Variants in NEMP2 observed in about 807,000 individuals in gnomAD.
NEMP2 encodes nuclear envelope integral membrane protein 2, also known as UPF0571 transmembrane protein.
In NEMP2, 53 loss-of-function variants were observed where a neutral mutation model predicts 54.2. That is an observed-to-expected ratio of 0.98 (90% CI 0.78 to 1.23). The LOEUF is 1.23. Ranked by LOEUF, NEMP2 falls within the 50% of genes most tolerant of loss-of-function variation. The pLI is 0.00. For missense variants in NEMP2, 455 were observed against 511.3 expected (o/e 0.89, Z 1.06); for synonymous variants, 197 against 190.3 (o/e 1.04, Z -0.29).
chr2:190,552,303 A>G, the NEMP2 span, among the ~76,000 whole-genome samples: 1 of 152,196 alleles, frequency 6.6e-6, no homozygotes, highest in African/African-American at 2.4e-5. Flanking sequence ...GATGCCTGGT[A>G]ACTAGTCATT....
chr2:190,618,207 C>T, the NEMP2 span, among the ~76,000 whole-genome samples: 6 of 152,164 alleles, frequency 3.9e-5, no homozygotes, highest in Non-Finnish European at 8.8e-5. Context: ...GGCTGTTTGC[C>T]TCATTGTTTG....
In NEMP2 at chr2:190,514,541, C is replaced by G; in HGVS notation, c.865G>C (p.Val289Leu). The G allele has an allele frequency of 6.4e-7, 1 of 1,551,692 alleles. No individual in the cohort carries two copies. The highest frequency in any genetic ancestry group is 1.4e-5 in the African/African-American group (1 of 73,164). Residue 289 changes from valine (V) to leucine (L), a missense_variant, in exon 7 of 9, where the codon GTG becomes CTG. By Grantham distance (32) the Val-to-Leu change is conservative. Transcript: ENST00000409150. This position sits in a 1 kb window ranked among gnomAD's most constrained non-coding sequence, Gnocchi z 5.7. The stretch of plus-strand genomic sequence containing the variant: ...ATGGCTGCATAGGCAAACTGAGGCA[C>G]GGCCACACCAGCATAGACCAGAACC... ...SLVLVYAGVA[V>L]PQFAYAAIIL... is the part of the protein sequence containing the mutation.
the NEMP2 span, chr2:190,469,952 G>A: frequency 1.2e-6 from 1 of 802,708 alleles, no homozygotes; most frequent in Non-Finnish European, 2.0e-6. The surrounding 1 kb of genome is among the most constrained non-coding windows in gnomAD (Gnocchi z 5.3). Flanking sequence ...TAAAGGAAGG[G>A]CAGGCCTACT....
chr2:190,457,453 A>C, the NEMP2 span, among the ~76,000 whole-genome samples: 10 of 152,310 alleles, frequency 6.6e-5, no homozygotes, highest in Non-Finnish European at 1.2e-4. The surrounding 1 kb of genome is among the most constrained non-coding windows in gnomAD (Gnocchi z 5.1). Context: ...TTTTGCTGAC[A>C]AGTCAAAAAT....
Position 190,529,198 on chromosome 2 carries a change from A to C in NEMP2, c.98-3820T>G, listed in dbSNP as rs1691053585. On this transcript the variant is annotated intron_variant, in intron 1 of 8. Coordinates refer to ENST00000409150, the MANE Select transcript of NEMP2 (RefSeq NM_001142645.2). This position sits in a 1 kb window ranked among gnomAD's most constrained non-coding sequence, Gnocchi z 4.7. The stretch of plus-strand genomic sequence containing the variant: ...TCTCAAAACAAAAACAAACACAAAC[A>C]AACAAAAACATGAATGGGAACCCAT... 6.6e-6 allele frequency among the ~76,000 whole-genome samples: 1 copy of C among 152,080 alleles called. No homozygotes were observed. The highest frequency in any genetic ancestry group is 1.5e-5 in the Non-Finnish European group (1 of 67,984).
chr2:190,615,649 G>A, the NEMP2 span, among the ~76,000 whole-genome samples: 3 of 152,210 alleles, frequency 2.0e-5, no homozygotes, highest in Non-Finnish European at 4.4e-5. This position sits in a 1 kb window ranked among gnomAD's most constrained non-coding sequence, Gnocchi z 4.7. Context: ...CCCGAGAGAT[G>A]AGGGGATGAG....
chr2:190,534,249 C>T (rs1691273127), intron 1 of NEMP2: 2 of 1,116,254 alleles, frequency 1.8e-6, no homozygotes, highest in African/African-American at 3.3e-5. Flanking sequence ...CTGTGTGACC[C>T]TGGGCAAATC....
At chr2:190,449,120 A>G in the NEMP2 span, among the ~76,000 whole-genome samples, 3 of 152,218 alleles carry the variant, frequency 2.0e-5, no homozygotes, top group Admixed American at 6.5e-5. Context: ...TATAACAACC[A>G]TGGCTTCAGG....
chr2:190,578,049 T>C, the NEMP2 span, among the ~76,000 whole-genome samples: 1 of 152,206 alleles, frequency 6.6e-6, no homozygotes, highest in Non-Finnish European at 1.5e-5. The surrounding 1 kb of genome is among the most constrained non-coding windows in gnomAD (Gnocchi z 4.4). Context: ...AACTTTCCAG[T>C]TGGACATAAA....
the NEMP2 span, among the ~76,000 whole-genome samples, chr2:190,559,019 A>C: frequency 6.6e-6 from 1 of 152,230 alleles, no homozygotes; most frequent in East Asian, 1.9e-4. The surrounding 1 kb of genome is among the most constrained non-coding windows in gnomAD (Gnocchi z 4.0). Context: ...GTTGCACTTC[A>C]CAATGTTTTC....
chr2:190,476,861 G>A, the NEMP2 span, among the ~76,000 whole-genome samples: 22 of 152,028 alleles, frequency 1.4e-4, no homozygotes, highest in Non-Finnish European at 2.4e-4. Context: ...ACACCATGGA[G>A]TACTATGCAG....
chr2:190,440,838 A>T, the NEMP2 span, among the ~76,000 whole-genome samples: 2 of 152,224 alleles, frequency 1.3e-5, no homozygotes, highest in African/African-American at 4.8e-5. Context: ...CTAGCCAGTC[A>T]GTTTGGGAAA....
the NEMP2 span, among the ~76,000 whole-genome samples, chr2:190,615,737 C>T: frequency 6.6e-6 from 1 of 152,178 alleles, no homozygotes; most frequent in Non-Finnish European, 1.5e-5. This position sits in a 1 kb window ranked among gnomAD's most constrained non-coding sequence, Gnocchi z 4.7. Context: ...TCCAGGACCC[C>T]CTAGTGATCT....
chr2:190,462,955 C>A, the NEMP2 span, among the ~76,000 whole-genome samples: 1 of 152,154 alleles, frequency 6.6e-6, no homozygotes, highest in African/African-American at 2.4e-5. This position sits in a 1 kb window ranked among gnomAD's most constrained non-coding sequence, Gnocchi z 5.7. Flanking sequence ...CTCAGGCCAC[C>A]TTCTTGGGAT....
rs1425887188 is a variant in NEMP2, at chr2:190,528,735, T to G, written c.98-3357A>C. ...TTAATGGTCTGAGGAAATAACCTTT[T>G]GGTGGGGCCTGAGTTTTGCAATCAA... is the stretch of plus-strand genomic sequence containing the variant. On this transcript the variant is annotated intron_variant, in intron 1 of 8. Coordinates refer to ENST00000409150, the MANE Select transcript of NEMP2 (RefSeq NM_001142645.2). This position sits in a 1 kb window ranked among gnomAD's most constrained non-coding sequence, Gnocchi z 4.3. Among the ~76,000 whole-genome samples the G allele has an allele frequency of 2.6e-5, 4 of 152,202 alleles. No individual in the cohort carries two copies. The highest frequency in any genetic ancestry group is 5.9e-5 in the Non-Finnish European group (4 of 68,030).
chr2:190,516,517 T>C (rs1690563591), intron 5 of NEMP2, 133 bp from the exon 6 acceptor site: 1 of 659,988 alleles, frequency 1.5e-6, no homozygotes. Flanking sequence ...AGAAACTCCC[T>C]AGGGTCTTAA....
chr2:190,534,027 G>GA, intron 1 of NEMP2: 2 of 978,970 alleles, frequency 2.0e-6, no homozygotes, highest in Non-Finnish European at 2.4e-6. Flanking sequence ...GCTCACGTGG[G>GA]ACCGTTATGT....
At chr2:190,612,291 G>A in the NEMP2 span, among the ~76,000 whole-genome samples, 1 of 151,716 alleles carries the variant, frequency 6.6e-6, no homozygotes, top group Non-Finnish European at 1.5e-5. Flanking sequence ...GAGTAGTTGG[G>A]ACCACAGGTG....
At chr2:190,588,373 C>T in the NEMP2 span, among the ~76,000 whole-genome samples, 9 of 152,166 alleles carry the variant, frequency 5.9e-5, no homozygotes, top group Admixed American at 3.9e-4. This position sits in a 1 kb window ranked among gnomAD's most constrained non-coding sequence, Gnocchi z 5.0. Flanking sequence ...CTTCCCCTGA[C>T]CTAAGCTAGG....
Sources: gnomAD v4.1 joint callset for allele counts (sites outside exome capture counted in the v4.1 genomes callset) on GRCh38, gnomAD v4.1.1 for gene constraint, Gnocchi (gnomAD v3.1) non-coding constraint, MANE v1.5 for transcripts, NCBI Gene and HGNC (gene_info 2026-07-23, HGNC 2026-07-21) for gene names.